The following ETNK1 variants were observed in gnomAD, a reference collection of about 807,000 sequenced individuals.
The protein encoded by ETNK1 is ethanolamine kinase 1.
A neutral mutation model predicts 45.1 loss-of-function variants in ETNK1; 8 were observed. That is an observed-to-expected ratio of 0.18 (90% CI 0.10 to 0.32). The LOEUF is 0.32. Ranked by LOEUF, ETNK1 falls within the 10% of genes least tolerant of loss-of-function variation. ETNK1 has a pLI of 1.00. For synonymous variants in ETNK1, 152 were observed against 151.9 expected (o/e 1.00, Z -0.01); for missense variants, 302 against 430.6 (o/e 0.70, Z 2.64).
intron 4 of ETNK1, among the ~76,000 whole-genome samples, chr12:22,661,739 C>T (rs547253030): frequency 6.6e-6 from 1 of 152,210 alleles, no homozygotes; most frequent in East Asian, 1.9e-4. Context: ...TTTGTAGTTG[C>T]TCAAATTTAT....
chr12:22,675,825 A>G (rs1954155191), intron 6 of ETNK1, among the ~76,000 whole-genome samples: 1 of 152,230 alleles, frequency 6.6e-6, no homozygotes, highest in African/African-American at 2.4e-5. Context: ...AGGACAATTG[A>G]TAGACATAAA....
At chr12:22,662,450 A>G (rs1412549560) in intron 4 of ETNK1, among the ~76,000 whole-genome samples, 2 of 144,416 alleles carry the variant, frequency 1.4e-5, no homozygotes, top group Admixed American at 7.1e-5. Context: ...CCTGGAATGC[A>G]GTGGTGTAAT....
At chr12:22,631,435 A>G (rs1343882785) in intron 1 of ETNK1, among the ~76,000 whole-genome samples, 3 of 152,132 alleles carry the variant, frequency 2.0e-5, no homozygotes, top group Non-Finnish European at 1.5e-5. Flanking sequence ...TCAACCTCCC[A>G]AAGTGCTGGG....
rs1046245995 is a variant in ETNK1, at chr12:22,688,513, T to C, written c.*3559T>C. ...GAAGCCTTCTGTACCATTTTACGAATTTCTGTCTTCATAATATAAGTGAAA... is the reference window on the plus strand; with the variant it reads ...GAAGCCTTCTGTACCATTTTACGAACTTCTGTCTTCATAATATAAGTGAAA... On this transcript the variant is annotated 3_prime_UTR_variant, in exon 8 of 8. Transcript: ENST00000266517. 6.6e-6 allele frequency: 1 copy of C among 152,358 alleles called. No homozygotes were observed. Among genetic ancestry groups the C allele is most frequent in the East Asian group, 1.9e-4 (1 of 5,202 alleles). 9.4% of individuals were successfully genotyped at this position (152,358 alleles called of 1,614,324 possible). A position where few individuals can be genotyped will look rare whatever the true frequency, so the allele number is the denominator to read the frequency against.
At chr12:22,648,890 A>G (rs1191106148) in intron 2 of ETNK1, among the ~76,000 whole-genome samples, 1 of 152,042 alleles carries the variant, frequency 6.6e-6, no homozygotes, top group Admixed American at 6.6e-5. Context: ...ATTGGGTGTT[A>G]TAAGTGTTTT....
intron 4 of ETNK1, chr12:22,671,038 A>G (rs1954102301): frequency 2.6e-6 from 1 of 384,276 alleles, no homozygotes; most frequent in Admixed American, 4.9e-5. Flanking sequence ...TTTCTTTAAA[A>G]AAGTGGACAT....
intron 4 of ETNK1, among the ~76,000 whole-genome samples, chr12:22,668,903 T>C (rs1415726870): frequency 6.6e-6 from 1 of 152,224 alleles, no homozygotes; most frequent in Non-Finnish European, 1.5e-5. Flanking sequence ...TTGTATTTAC[T>C]CTACAAGCAG....
intron 2 of ETNK1, among the ~76,000 whole-genome samples, chr12:22,646,569 T>A (rs1308920102): frequency 1.3e-5 from 2 of 151,742 alleles, no homozygotes; most frequent in African/African-American, 4.8e-5. Context: ...AGCTTTAATG[T>A]TTGAATATAA....
intron 1 of ETNK1, chr12:22,638,617 C>CTATAT (rs962164833): frequency 6.6e-6 from 1 of 152,068 alleles, no homozygotes; most frequent in Non-Finnish European, 1.5e-5. Flanking sequence ...CATACTTGTG[C>CTATAT]TATATTATAT....
chr12:22,654,099 A>G (rs1953911465), intron 2 of ETNK1, among the ~76,000 whole-genome samples: 1 of 152,226 alleles, frequency 6.6e-6, no homozygotes, highest in Non-Finnish European at 1.5e-5. Context: ...TAATGCCCTT[A>G]TAAAAGAGGC....
chr12:22,679,899 C>T (rs1954197800), intron 6 of ETNK1, among the ~76,000 whole-genome samples: 1 of 152,066 alleles, frequency 6.6e-6, no homozygotes, highest in Non-Finnish European at 1.5e-5. Flanking sequence ...ACCATATCGG[C>T]TAGGCTGGTT....
At position 22,673,484 on chromosome 12, in the gene ETNK1, T is replaced by G. The variant is rs367975586; in HGVS notation, c.785-16T>G. 222 of 1,548,052 alleles carry G rather than the reference T, an allele frequency of 1.4e-4. No individual in the cohort carries two copies. The highest frequency in any genetic ancestry group is 1.8e-4 in the Non-Finnish European group (211 of 1,143,190). On this transcript the variant is annotated splice_polypyrimidine_tract_variant and intron_variant, in intron 5 of 7. Coordinates refer to ENST00000266517, the MANE Select transcript of ETNK1 (RefSeq NM_018638.5). ...ATGTTTTAAAATTTTTGAGTGTAGT[T>G]TTTTTTCTTCTAAAGGTGTGAGTGA...
At chr12:22,667,714 A>G (rs984006646) in intron 4 of ETNK1, among the ~76,000 whole-genome samples, 1 of 152,198 alleles carries the variant, frequency 6.6e-6, no homozygotes, top group South Asian at 2.1e-4. Flanking sequence ...AAGATTTTTC[A>G]GGTTCTCATA....
chr12:22,641,613 G>C (rs1215115396), intron 1 of ETNK1, among the ~76,000 whole-genome samples: 1 of 151,996 alleles, frequency 6.6e-6, no homozygotes, highest in Non-Finnish European at 1.5e-5. Flanking sequence ...AGTAAACCAG[G>C]TTCATTGCTG....
At chr12:22,634,727 T>C (rs1202376498) in intron 1 of ETNK1, among the ~76,000 whole-genome samples, 1 of 152,118 alleles carries the variant, frequency 6.6e-6, no homozygotes, top group Non-Finnish European at 1.5e-5. Flanking sequence ...TTTATTTATT[T>C]ATTTATTTGT....
chr12:22,658,960 C>G (rs1953972063), intron 2 of ETNK1, 54 bp from the exon 3 acceptor site: 25 of 1,550,000 alleles, frequency 1.6e-5, no homozygotes, highest in Non-Finnish European at 2.0e-5. Flanking sequence ...TGTCAGGAGA[C>G]ATGACCTTTA....
intron 2 of ETNK1, among the ~76,000 whole-genome samples, chr12:22,646,626 A>T (rs1287141546): frequency 6.6e-6 from 1 of 151,904 alleles, no homozygotes; most frequent in East Asian, 1.9e-4. Context: ...GCCTAATAAT[A>T]TGCATGCAGT....
In ETNK1 at chr12:22,673,578, A is replaced by G. The variant is rs1431183281; in HGVS notation, c.863A>G (p.Tyr288Cys). The G allele has an allele frequency of 6.2e-7, 1 of 1,613,816 alleles. No individual in the cohort carries two copies. Among genetic ancestry groups the G allele is most frequent in the South Asian group, 1.1e-5 (1 of 91,066 alleles). The change falls in exon 6 of 8, where the codon TAC becomes TGC. Residue 288 changes from tyrosine to cysteine, a missense_variant. This residue lies in a region of ETNK1 where 94 missense variants were observed against 152.9 expected (regional missense o/e 0.61). Coordinates refer to ENST00000266517, the MANE Select transcript of ETNK1 (RefSeq NM_018638.5). ...TGGCTGCGTGCTTACCTTGAAGCCT[A>G]CAAAGAATTTAAGGGCTTTGGGACT... ...SQWLRAYLEA[Y>C]KEFKGFGTEV... is the part of the protein sequence containing the mutation.
chr12:22,632,288 A>C (rs1243751219), intron 1 of ETNK1, among the ~76,000 whole-genome samples: 1 of 152,036 alleles, frequency 6.6e-6, no homozygotes, highest in African/African-American at 2.4e-5. Context: ...TCAATATTCT[A>C]TTCACAACCG....
Sources: allele counts gnomAD v4.1 joint callset (sites outside exome capture counted in the v4.1 genomes callset), GRCh38; gene constraint gnomAD v4.1.1; regional missense constraint gnomAD v4.1.1; transcripts MANE v1.5; gene names NCBI Gene and HGNC (gene_info 2026-07-23, HGNC 2026-07-21).